The following GC variants were observed in gnomAD, a reference collection of about 807,000 sequenced individuals.
The protein encoded by GC is vitamin D-binding protein.
In GC, 43 loss-of-function variants were observed where a neutral mutation model predicts 56.7. That is an observed-to-expected ratio of 0.76 (90% confidence interval 0.59 to 0.98). The LOEUF (loss-of-function observed/expected upper bound fraction) is 0.98, where lower values mean the gene tolerates loss of function less well. Ranked by LOEUF, GC falls within the 50% of genes least tolerant of loss-of-function variation. The pLI is 0.00. For synonymous variants in GC, 216 were observed against 202.7 expected (o/e 1.07, Z -0.56); for missense variants, 529 against 545.9 (o/e 0.97, Z 0.31).
chr4:71,785,620 A>G (rs758788353), upstream of GC, among the ~76,000 whole-genome samples: 2 of 151,796 alleles, frequency 1.3e-5, no homozygotes, highest in Non-Finnish European at 2.9e-5. Flanking sequence ...GTGGAAATCC[A>G]TATGGTCAAG....
chr4:71,764,626 T>G (rs1742099569), intron 4 of GC, among the ~76,000 whole-genome samples: 1 of 152,188 alleles, frequency 6.6e-6, no homozygotes, highest in African/African-American at 2.4e-5. Context: ...ATAATTATTA[T>G]GTATAGATTA....
At chr4:71,785,552 A>G (rs1047485149), upstream of GC, among the ~76,000 whole-genome samples, 1 of 151,762 alleles carries the variant, frequency 6.6e-6, no homozygotes, top group Non-Finnish European at 1.5e-5. Flanking sequence ...AATAGAGTCC[A>G]GCTAGTTGGA....
chr4:71,753,528 G>A (rs1741623688), intron 10 of GC, among the ~76,000 whole-genome samples: 1 of 151,440 alleles, frequency 6.6e-6, no homozygotes, highest in South Asian at 2.1e-4. Flanking sequence ...AATAGGATCT[G>A]AGAAATTTAC....
chr4:71,765,578 A>C lies in GC; in HGVS notation c.327T>G (p.Ala109=). 6.2e-7 allele frequency: 1 copy of C among 1,613,766 alleles called. No homozygotes were observed. The highest frequency in any genetic ancestry group is 8.5e-7 in the Non-Finnish European group (1 of 1,179,778). Residue 109 remains alanine, a synonymous_variant, in exon 4 of 13, where the codon GCT becomes GCG. Coordinates refer to ENST00000273951, the MANE Select transcript of GC (RefSeq NM_000583.4). The stretch of plus-strand genomic sequence containing the variant: ...CCAGGCCCTCTTTGGTGCAGCACTC[A>C]GCAGTGCCTGGGTGAACGGGGAATG... ...NSPFPVHPGT[A]ECCTKEGLER...
chr4:71,753,796 G>C (rs536029848), intron 10 of GC, among the ~76,000 whole-genome samples: 165 of 152,274 alleles, frequency 1.1e-3, no homozygotes, highest in Admixed American at 2.2e-3. Flanking sequence ...CTTCTTGCCA[G>C]GCAATATGCC....
intron 6 of GC, among the ~76,000 whole-genome samples, chr4:71,761,047 G>T (rs534237734): frequency 1.3e-5 from 2 of 152,338 alleles, no homozygotes; most frequent in African/African-American, 2.4e-5. Context: ...CTTTGGAACT[G>T]GGTAACAGGC....
chr4:71,774,074 A>T (rs1232569999), intron 1 of GC, among the ~76,000 whole-genome samples: 2 of 152,002 alleles, frequency 1.3e-5, no homozygotes, highest in Non-Finnish European at 2.9e-5. Context: ...TATCACTAAA[A>T]ATATTGCCAA....
At chr4:71,754,879 G>T (rs952603226) in intron 9 of GC, 99 bp downstream of exon 9, 9 of 701,976 alleles carry the variant, frequency 1.3e-5, no homozygotes, top group Non-Finnish European at 1.9e-5. Context: ...TTAGTTTGTA[G>T]GCCATAAAAA....
intron 8 of GC, among the ~76,000 whole-genome samples, chr4:71,755,371 T>G (rs1022482754): frequency 2.6e-5 from 4 of 151,930 alleles, no homozygotes; most frequent in Non-Finnish European, 2.9e-5. Context: ...CCATGTTGGC[T>G]AGGGTGGTCT....
chr4:71,741,869 G>T lies in GC; in HGVS notation c.*27C>A, dbSNP rs773288169. 1 of 702,928 alleles carries T rather than the reference G, an allele frequency of 1.4e-6. No homozygotes were observed. Among genetic ancestry groups the T allele is most frequent in the South Asian group, 1.5e-5 (1 of 67,602 alleles). 43.5% of individuals were successfully genotyped at this position (702,928 alleles called of 1,614,324 possible). A position where few individuals can be genotyped will look rare whatever the true frequency, so the allele number is the denominator to read the frequency against. On this transcript the variant is annotated splice_region_variant and 3_prime_UTR_variant, in exon 13 of 13. Coordinates refer to ENST00000273951, the MANE Select transcript of GC (RefSeq NM_000583.4). The stretch of plus-strand genomic sequence containing the variant: ...ATTCCCCTGGGTGGCTCCAACTCTG[G>T]TCTATGAGAATAATGAAATGAATTT...
rs887541993 is a variant in GC, at chr4:71,765,301, A to G, written c.473+131T>C. ...CACCAAAGGGAAGATGGGCTGTCTC[A>G]GATGACAGTCAAGTTATCAGAATTT... On this transcript the variant is annotated intron_variant, in intron 4 of 12. Coordinates refer to ENST00000273951, the MANE Select transcript of GC (RefSeq NM_000583.4). 4.2e-6 allele frequency: 3 copies of G among 714,990 alleles called. No individual in the cohort carries two copies. In the African/African-American group the frequency reaches 5.2e-5, roughly 12 times the overall value. The allele number at this position is 714,990 out of a possible 1,614,324, so 44.3% of individuals were successfully genotyped here. A position where few individuals can be genotyped will look rare whatever the true frequency, so the allele number is the denominator to read the frequency against.
intron 1 of GC, among the ~76,000 whole-genome samples, chr4:71,799,322 C>G (rs1186692780): frequency 6.6e-6 from 1 of 152,158 alleles, no homozygotes. Context: ...ACTCTGTTTA[C>G]CCCCATCTCT....
At chr4:71,761,242 C>G (rs1336489641) in intron 6 of GC, among the ~76,000 whole-genome samples, 1 of 152,152 alleles carries the variant, frequency 6.6e-6, no homozygotes, top group African/African-American at 2.4e-5. Flanking sequence ...AAAGGTGACT[C>G]TTGTTATGTA....
At chr4:71,777,845 A>G (rs1045947204) in intron 1 of GC, among the ~76,000 whole-genome samples, 1 of 151,538 alleles carries the variant, frequency 6.6e-6, no homozygotes, top group Non-Finnish European at 1.5e-5. Context: ...GTGAGAACAC[A>G]TGGACACAGG....
chr4:71,791,325 G>C (rs1197312723), intron 1 of GC, among the ~76,000 whole-genome samples: 1 of 151,996 alleles, frequency 6.6e-6, no homozygotes, highest in African/African-American at 2.4e-5. Flanking sequence ...CTGATAAGGA[G>C]TTGACAGTTA....
intron 11 of GC, among the ~76,000 whole-genome samples, chr4:71,747,433 G>C (rs1356122276): frequency 6.6e-6 from 1 of 152,120 alleles, no homozygotes; most frequent in Non-Finnish European, 1.5e-5. Context: ...ATATGAAATA[G>C]AACAAGAAGA....
intron 1 of GC, among the ~76,000 whole-genome samples, chr4:71,797,403 C>T (rs889829460): frequency 6.6e-6 from 1 of 152,246 alleles, no homozygotes; most frequent in Non-Finnish European, 1.5e-5. Context: ...ATGGGGGACA[C>T]CCCTCCTCCC....
At chr4:71,797,697 A>G (rs911819930) in intron 1 of GC, among the ~76,000 whole-genome samples, 2 of 152,210 alleles carry the variant, frequency 1.3e-5, no homozygotes, top group African/African-American at 2.4e-5. Flanking sequence ...ACCAGTCCCA[A>G]TGAGATGAAC....
chr4:71,746,238 T>C (rs367874733), intron 11 of GC, 33 bp from the exon 12 acceptor site: 23 of 1,028,284 alleles, frequency 2.2e-5, no homozygotes, highest in Non-Finnish European at 3.0e-5. Flanking sequence ...ATATAACTTA[T>C]GAAGTATTTC....
Sources: allele counts gnomAD v4.1 joint callset (sites outside exome capture counted in the v4.1 genomes callset), GRCh38; gene constraint gnomAD v4.1.1; transcripts MANE v1.5; gene names NCBI Gene and HGNC (gene_info 2026-07-23, HGNC 2026-07-21).